Variants in ADARB2 observed in about 807,000 individuals in gnomAD.
ADARB2 encodes adenosine deaminase RNA specific B2 (inactive).
A neutral mutation model predicts 62.2 loss-of-function variants in ADARB2; 25 were observed. The ratio of observed to expected loss-of-function variants is 0.40; its 90% confidence interval spans 0.29 to 0.56. The LOEUF (loss-of-function observed/expected upper bound fraction) is 0.56. ADARB2 is among the 20% of genes least tolerant of loss of function. The pLI is 0.43. For synonymous variants in ADARB2, 572 were observed against 500.8 expected (o/e 1.14, Z -1.90); for missense variants, 1,071 against 1,077.4 (o/e 0.99, Z 0.08).
chr10:1,680,371 A>G (rs1261858088), intron 1 of ADARB2, among the ~76,000 whole-genome samples: 2 of 151,752 alleles, frequency 1.3e-5, no homozygotes, highest in African/African-American at 4.8e-5. Flanking sequence ...ATCTGCTTCC[A>G]TCTTTGCCCA....
At chr10:1,318,816 G>T (rs1213120249) in intron 3 of ADARB2, among the ~76,000 whole-genome samples, 1 of 152,164 alleles carries the variant, frequency 6.6e-6, no homozygotes, top group Non-Finnish European at 1.5e-5. Context: ...ATCTCCACTG[G>T]AGAAAGCATC....
chr10:1,653,501 T>TCG, intron 1 of ADARB2, among the ~76,000 whole-genome samples: 1 of 152,104 alleles, frequency 6.6e-6, no homozygotes, highest in African/African-American at 2.4e-5. Context: ...ACCCGACGCC[T>TCG]TGTGTGCCTG....
rs182486608 is a variant in ADARB2, at chr10:1,177,759, T to G, written c.*5434A>C. 6.6e-6 allele frequency: 1 copy of G among 152,362 alleles called. No homozygotes were observed. Among genetic ancestry groups the G allele is most frequent in the Non-Finnish European group, 1.5e-5 (1 of 68,048 alleles). 9.4% of individuals were successfully genotyped at this position (152,362 alleles called of 1,614,324 possible). The stretch of plus-strand genomic sequence containing the variant: ...AATAAAGTGTTCCTCTCACCAGGGT[T>G]TGATCTGTCTGCGGTTCCCGCAGGA... On this transcript the variant is annotated 3_prime_UTR_variant, in exon 10 of 10. Transcript: ENST00000381312.
chr10:1,307,622 C>A (rs1831641871), intron 3 of ADARB2, among the ~76,000 whole-genome samples: 1 of 140,260 alleles, frequency 7.1e-6, no homozygotes, highest in Admixed American at 7.3e-5. Flanking sequence ...TATAAAGACA[C>A]CTGCACACGT....
chr10:1,447,038 AATTTCT>A (rs1368969770), intron 1 of ADARB2, among the ~76,000 whole-genome samples: 2 of 152,232 alleles, frequency 1.3e-5, no homozygotes, highest in Admixed American at 1.3e-4. Flanking sequence ...ACACGAATGA[AATTTCT>A]TAGTTAATTA....
chr10:1,558,258 T>C lies in ADARB2; in HGVS notation c.100+178793A>G, dbSNP rs372002479. Among the ~76,000 whole-genome samples the C allele has an allele frequency of 7.0e-4, 83 of 118,350 alleles. No individual in the cohort carries two copies. The East Asian group carries it at 0.011, about 16-fold the overall frequency. 77.6% of individuals were successfully genotyped at this position (118,350 alleles called of 152,430 possible). On this transcript the variant is annotated intron_variant, in intron 1 of 9. Coordinates refer to ENST00000381312, the MANE Select transcript of ADARB2 (RefSeq NM_018702.4). ...CCATGGGTGCTCAGACCCCGCATGCTCCATCTAAATCCACATCCCACCTCT... is the reference window on the plus strand; with the variant it reads ...CCATGGGTGCTCAGACCCCGCATGCCCCATCTAAATCCACATCCCACCTCT...
At chr10:1,240,255 CCTCCCGGTGTTT>C (rs1830899959) in intron 5 of ADARB2, 1 of 90,526 alleles carries the variant, frequency 1.1e-5, no homozygotes. Context: ...CTCCCCTCTG[CCTCCCGGTGTTT>C]ACTCCCCTCT....
chr10:1,230,236 T>G (rs570367495), intron 6 of ADARB2, among the ~76,000 whole-genome samples: 12 of 152,294 alleles, frequency 7.9e-5, no homozygotes, highest in South Asian at 6.2e-4. Flanking sequence ...TCCCTGGGCT[T>G]CTTTTGGGAA....
intron 1 of ADARB2, among the ~76,000 whole-genome samples, chr10:1,417,713 C>T (rs1293908431): frequency 6.6e-6 from 1 of 152,204 alleles, no homozygotes; most frequent in African/African-American, 2.4e-5. Flanking sequence ...GGCGTTGCAC[C>T]TCCTGGGGTG....
intron 1 of ADARB2, among the ~76,000 whole-genome samples, chr10:1,695,439 T>C (rs1834726722): frequency 6.6e-6 from 1 of 152,212 alleles, no homozygotes; most frequent in Non-Finnish European, 1.5e-5. Flanking sequence ...CCTCAAGCTA[T>C]CCACTTTAGG....
chr10:1,679,213 G>A (rs1444167271), intron 1 of ADARB2, among the ~76,000 whole-genome samples: 3 of 152,106 alleles, frequency 2.0e-5, no homozygotes, highest in Admixed American at 6.5e-5. Flanking sequence ...TTGGAGGGGC[G>A]ACCACACATT....
chr10:1,616,400 C>G (rs951399220), intron 1 of ADARB2, among the ~76,000 whole-genome samples: 18 of 152,076 alleles, frequency 1.2e-4, no homozygotes, highest in Admixed American at 2.0e-4. Flanking sequence ...AGCTGCTGAG[C>G]TCTGCATCCT....
At chr10:1,450,373 G>A (rs1042519186) in intron 1 of ADARB2, among the ~76,000 whole-genome samples, 2 of 152,240 alleles carry the variant, frequency 1.3e-5, no homozygotes, top group Non-Finnish European at 2.9e-5. Context: ...TTTAGCCGCT[G>A]TGGCTGCATT....
intron 1 of ADARB2, among the ~76,000 whole-genome samples, chr10:1,687,459 C>G (rs188442162): frequency 6.6e-6 from 1 of 151,936 alleles, no homozygotes; most frequent in Non-Finnish European, 1.5e-5. Flanking sequence ...ATCTTTGGGA[C>G]TTGATTGGAT....
intron 1 of ADARB2, among the ~76,000 whole-genome samples, chr10:1,582,762 C>T (rs932140206): frequency 1.3e-5 from 2 of 152,192 alleles, no homozygotes; most frequent in Non-Finnish European, 2.9e-5. Flanking sequence ...CCCATGAGTT[C>T]CATGTCACAG....
In ADARB2 at chr10:1,493,729, C is replaced by CTTTTTTTTTT. The variant is rs555812632; in HGVS notation, c.101-114579_101-114570dup. ...TCTAGGCACAGCATAATATGGCATT[C>CTTTTTTTTTT]TTTTTTTTTTTTTTTTTTTTTTTTT... On this transcript the variant is annotated intron_variant, in intron 1 of 9. Coordinates refer to ENST00000381312, the MANE Select transcript of ADARB2 (RefSeq NM_018702.4). Among the ~76,000 whole-genome samples the CTTTTTTTTTT allele has an allele frequency of 5.1e-4, 29 of 56,844 alleles. 5 individuals carry two copies. Among genetic ancestry groups the CTTTTTTTTTT allele is most frequent in the East Asian group, 2.1e-3 (4 of 1,940 alleles). The allele number at this position is 56,844 out of a possible 152,430, so 37.3% of individuals were successfully genotyped here. A position where few individuals can be genotyped will look rare whatever the true frequency, so the allele number is the denominator to read the frequency against.
intron 1 of ADARB2, among the ~76,000 whole-genome samples, chr10:1,631,353 C>T (rs927400037): frequency 1.2e-4 from 19 of 152,132 alleles, no homozygotes; most frequent in Admixed American, 6.5e-4. Context: ...CTTTAGCCAG[C>T]GGGGACCTGA....
intron 1 of ADARB2, among the ~76,000 whole-genome samples, chr10:1,549,927 G>A (rs1832590407): frequency 6.6e-6 from 1 of 152,178 alleles, no homozygotes; most frequent in Non-Finnish European, 1.5e-5. Flanking sequence ...GCCCATCCAG[G>A]AAGCCTTGAG....
chr10:1,490,405 G>GA (rs899237115), intron 1 of ADARB2, among the ~76,000 whole-genome samples: 1 of 152,050 alleles, frequency 6.6e-6, no homozygotes, highest in Admixed American at 6.5e-5. Context: ...AATGACCACT[G>GA]AAAAAATCCT....
Sources: allele counts gnomAD v4.1 joint callset (sites outside exome capture counted in the v4.1 genomes callset), GRCh38; gene constraint gnomAD v4.1.1; transcripts MANE v1.5; gene names NCBI Gene and HGNC (gene_info 2026-07-23, HGNC 2026-07-21).